ZSCAN32: variants seen among roughly 807,000 people sequenced by gnomAD.
The protein encoded by ZSCAN32 is zinc finger and SCAN domain-containing protein 32.
Under a neutral mutation model 47.4 loss-of-function variants are expected in ZSCAN32, and 52 were observed. The observed-to-expected ratio is 1.10, with a 90% CI of 0.88 to 1.38. ZSCAN32 has a LOEUF of 1.38. ZSCAN32 is among the 40% of genes most tolerant of loss of function. ZSCAN32 has a pLI of 0.00. For synonymous variants in ZSCAN32, 346 were observed against 305.7 expected, an observed-to-expected ratio of 1.13 and a Z score of -1.38; for missense variants, 959 against 846.0, an observed-to-expected ratio of 1.13 and a Z score of -1.66.
intron 5 of ZSCAN32, among the ~76,000 whole-genome samples, chr16:3,386,612 T>C (rs1195229816): frequency 6.6e-6 from 1 of 152,148 alleles, no homozygotes; most frequent in African/African-American, 2.4e-5. Flanking sequence ...TATGCAACCA[T>C]AAAAAATGAT....
chr16:3,396,194 A>G (rs1489339567), intron 2 of ZSCAN32, among the ~76,000 whole-genome samples: 1 of 152,156 alleles, frequency 6.6e-6, no homozygotes, highest in Non-Finnish European at 1.5e-5. Flanking sequence ...CTCTCCATTC[A>G]ATCTTACTTA....
rs1596433799 is a variant in ZSCAN32 at position 3,382,786 on chromosome 16, TC to T, written c.*65del. On this transcript the variant is annotated 3_prime_UTR_variant, in exon 7 of 7. Coordinates refer to ENST00000396852, the MANE Select transcript of ZSCAN32 (RefSeq NM_001284527.2). Reference sequence around the variant, plus strand: ...CAAAGTCAGGGACTGGCTAGATCTCTCCACAGCAGAAGAAAGCTCATACATG... The same window carrying T: ...CAAAGTCAGGGACTGGCTAGATCTCTCACAGCAGAAGAAAGCTCATACATG... 6.6e-7 allele frequency: 1 copy of T among 1,518,320 alleles called. No individual in the cohort carries two copies. The highest frequency in any genetic ancestry group is 8.8e-7 in the Non-Finnish European group (1 of 1,133,686). 94.1% of individuals were successfully genotyped at this position (1,518,320 alleles called of 1,614,324 possible).
chr16:3,383,804 T>A, intron 6 of ZSCAN32, 93 bp from the exon 7 acceptor site: 1 of 1,275,746 alleles, frequency 7.8e-7, no homozygotes, highest in Non-Finnish European at 1.0e-6. Flanking sequence ...AGAAGAAATA[T>A]CTAATTGAAA....
At chr16:3,386,605 G>A (rs1249494844) in intron 5 of ZSCAN32, among the ~76,000 whole-genome samples, 1 of 152,170 alleles carries the variant, frequency 6.6e-6, no homozygotes, top group Non-Finnish European at 1.5e-5. Context: ...GGAATACTAT[G>A]CAACCATAAA....
chr16:3,384,524 T>C lies in ZSCAN32; in HGVS notation c.1169A>G (p.Asp390Gly). Residue 390 changes from aspartate (D) to glycine (G), a missense_variant, in exon 6 of 7, where the codon GAC (aspartate) becomes GGC (glycine). Asp to Gly is a moderately conservative substitution (Grantham distance 94). Coordinates refer to ENST00000396852, the MANE Select transcript of ZSCAN32 (RefSeq NM_001284527.2). ...TVDGADRDEK[D>G]FRNPGQEVRK... is the part of the protein sequence containing the mutation. ...GACTTCCTGGCCAGGATTCCTGAAG[T>C]CCTTTTCATCCCTGTCTGCACCATC... The C allele has an allele frequency of 1.2e-6, 2 of 1,614,100 alleles. No homozygotes were observed. The highest frequency in any genetic ancestry group is 1.3e-5 in the African/African-American group (1 of 75,004).
rs1194184877 is a variant in ZSCAN32, at chr16:3,382,605, A to C, written c.*247T>G. Reference sequence around the variant, plus strand: ...CAGGAAGACCCTGGTTTCCTGGTAGAATTTATGGATCCTACAGCTTTCTCT... The same window carrying C: ...CAGGAAGACCCTGGTTTCCTGGTAGCATTTATGGATCCTACAGCTTTCTCT... On this transcript the variant is annotated 3_prime_UTR_variant, in exon 7 of 7. Transcript: ENST00000396852. The C allele has an allele frequency of 5.1e-6, 2 of 390,070 alleles. No homozygotes were observed. Among genetic ancestry groups the C allele is most frequent in the Non-Finnish European group, 8.7e-6 (2 of 229,392 alleles). 24.2% of individuals were successfully genotyped at this position (390,070 alleles called of 1,614,324 possible). A position where few individuals can be genotyped will look rare whatever the true frequency, so the allele number is the denominator to read the frequency against.
At position 3,384,603 on chromosome 16, in the gene ZSCAN32, C is replaced by T. The variant is rs751864642; in HGVS notation, c.1090G>A (p.Gly364Arg). The T allele has an allele frequency of 1.9e-6, 3 of 1,614,200 alleles. No individual in the cohort carries two copies. Among genetic ancestry groups the T allele is most frequent in the East Asian group, 2.2e-5 (1 of 44,876 alleles). Reference protein sequence around the residue: ...PGQEGSDIEAGELNHQNGEPT... With the variant: ...PGQEGSDIEARELNHQNGEPT... ...TCCCCATTCTGGTGATTCAGCTCTC[C>T]AGCCTCAATATCACTTCCTTCTTGG... The change falls in exon 6 of 7, where the codon GGA becomes AGA. Residue 364 changes from glycine to arginine, a missense_variant. Coordinates refer to ENST00000396852, the MANE Select transcript of ZSCAN32 (RefSeq NM_001284527.2).
chr16:3,383,917 C>A, intron 6 of ZSCAN32: 1 of 595,154 alleles, frequency 1.7e-6, no homozygotes, highest in Non-Finnish European at 2.8e-6. Flanking sequence ...CCCTAAACTC[C>A]AACTTTTCTC....
At chr16:3,390,788 GAGA>G (rs946330071) in intron 3 of ZSCAN32, among the ~76,000 whole-genome samples, 1 of 152,134 alleles carries the variant, frequency 6.6e-6, no homozygotes, top group African/African-American at 2.4e-5. Flanking sequence ...TCTGTGAGTT[GAGA>G]AGTTCCTTTC....
chr16:3,386,148 C>G (rs2031957327), intron 5 of ZSCAN32, among the ~76,000 whole-genome samples: 1 of 152,186 alleles, frequency 6.6e-6, no homozygotes, highest in South Asian at 2.1e-4. Context: ...ACAGACACTT[C>G]TCAAAAGAAG....
intron 2 of ZSCAN32, among the ~76,000 whole-genome samples, chr16:3,396,177 A>G (rs181842485): frequency 6.6e-6 from 1 of 152,158 alleles, no homozygotes. Context: ...TACAAGTGCT[A>G]CTGCACCTCT....
At position 3,395,181 on chromosome 16, in the gene ZSCAN32, C is replaced by T. The variant is rs149417878; in HGVS notation, c.367-1367G>A. On this transcript the variant is annotated intron_variant, in intron 2 of 6. Transcript: ENST00000396852. ...CTTTAAGTCCCATGCTTATAACAAA[C>T]ACCCTTAAAGGGAATGAAGAGAGGT... Among the ~76,000 whole-genome samples the T allele has an allele frequency of 6.0e-4, 92 of 152,276 alleles. 1 individual carries two copies. In the East Asian group the frequency reaches 0.018, roughly 29 times the overall value.
intron 5 of ZSCAN32, among the ~76,000 whole-genome samples, chr16:3,386,831 A>C (rs2150876998): frequency 6.6e-6 from 1 of 152,054 alleles, no homozygotes; most frequent in South Asian, 2.1e-4. Context: ...TTGGAGATAT[A>C]CCTAATGTTA....
Position 3,390,530 on chromosome 16 carries a change from A to T in ZSCAN32, c.533-13T>A. On this transcript the variant is annotated splice_polypyrimidine_tract_variant and intron_variant, in intron 3 of 6. Transcript: ENST00000396852. Reference sequence around the variant, plus strand: ...GGAGCAAGCCAGGCTGGGGGAAAAAACAGCCGCTATTAGAGGGCGGCTTCC... The same window carrying T: ...GGAGCAAGCCAGGCTGGGGGAAAAATCAGCCGCTATTAGAGGGCGGCTTCC... 1 of 1,547,262 alleles carries T rather than the reference A, an allele frequency of 6.5e-7. No homozygotes were observed. Among genetic ancestry groups the T allele is most frequent in the Non-Finnish European group, 8.7e-7 (1 of 1,145,816 alleles).
At chr16:3,387,212 G>A (rs1048060537) in intron 5 of ZSCAN32, among the ~76,000 whole-genome samples, 3 of 152,178 alleles carry the variant, frequency 2.0e-5, no homozygotes, top group African/African-American at 7.2e-5. Flanking sequence ...CTTGACAGTT[G>A]TGGGACTTCC....
At chr16:3,392,553 C>G (rs963169809) in intron 3 of ZSCAN32, among the ~76,000 whole-genome samples, 8 of 151,746 alleles carry the variant, frequency 5.3e-5, no homozygotes, top group Non-Finnish European at 1.0e-4. Flanking sequence ...TAAGGCCAGG[C>G]GTGGTGGCTC....
chr16:3,397,254 G>T lies in ZSCAN32; in HGVS notation c.304C>A (p.Pro102Thr). The change falls in exon 2 of 7, where the codon CCA (proline) becomes ACA (threonine). Residue 102 changes from proline (P) to threonine (T), a missense_variant. Physicochemically the swap from Pro to Thr is conservative, Grantham distance 38 (BLOSUM62 -1). Transcript: ENST00000396852. Reference sequence around the variant, plus strand: ...GCCACAGCTTCCTCGCCGTTTTCTGGATGCTGCTCCCTCACCCAGGTCTGG... The same window carrying T: ...GCCACAGCTTCCTCGCCGTTTTCTGTATGCTGCTCCCTCACCCAGGTCTGG... ...EIQTWVREQHPENGEEAVALV... is the reference protein window; with the variant it reads ...EIQTWVREQHTENGEEAVALV... 2 of 1,565,502 alleles carry T rather than the reference G, an allele frequency of 1.3e-6. No homozygotes were observed. Among genetic ancestry groups the T allele is most frequent in the Non-Finnish European group, 1.7e-6 (2 of 1,155,208 alleles).
intron 2 of ZSCAN32, among the ~76,000 whole-genome samples, chr16:3,396,621 C>T (rs1050751307): frequency 3.9e-5 from 6 of 152,204 alleles, no homozygotes; most frequent in African/African-American, 1.2e-4. Flanking sequence ...TGTTACTTTT[C>T]CTCTTCCTGT....
At chr16:3,384,435 C>T in intron 6 of ZSCAN32, 24 bp downstream of exon 6, 1 of 1,613,268 alleles carries the variant, frequency 6.2e-7, no homozygotes. Context: ...CATCCTTTGA[C>T]CATCAGAGCC....
Sources: allele counts gnomAD v4.1 joint callset (sites outside exome capture counted in the v4.1 genomes callset), GRCh38; gene constraint gnomAD v4.1.1; transcripts MANE v1.5; gene names NCBI Gene and HGNC (gene_info 2026-07-23, HGNC 2026-07-21).